Variants in ZPBP observed in about 807,000 individuals in gnomAD.
ZPBP encodes zona pellucida-binding protein 1.
ZPBP carries 26 observed loss-of-function variants against 44.8 expected under a neutral mutation model. That is an observed-to-expected ratio of 0.58 (90% confidence interval 0.43 to 0.81). The LOEUF is 0.81. Ranked by LOEUF, ZPBP falls within the 30% of genes least tolerant of loss-of-function variation. The probability of loss-of-function intolerance (pLI) is 0.00; values close to 1 mark genes in which losing one functional copy is unlikely to be tolerated. For synonymous variants in ZPBP, 174 were observed against 153.2 expected, an observed-to-expected ratio of 1.14 and a Z score of -1.00; for missense variants, 409 against 434.0, an observed-to-expected ratio of 0.94 and a Z score of 0.51.
At chr7:49,913,911 T>C (rs1019265056) in intron 1 of ZPBP, 1 of 152,162 alleles carries the variant, frequency 6.6e-6, no homozygotes, top group Non-Finnish European at 1.5e-5. Context: ...ACACTACATA[T>C]AGTCATTTAA....
intron 3 of ZPBP, among the ~76,000 whole-genome samples, chr7:50,066,618 T>G (rs143966366): frequency 3.0e-3 from 454 of 152,338 alleles, no homozygotes; most frequent in African/African-American, 0.01. Context: ...TTGCAGCATT[T>G]GCAGTAATAA....
chr7:50,013,493 A>G (rs1380940245), intron 6 of ZPBP, among the ~76,000 whole-genome samples: 1 of 152,050 alleles, frequency 6.6e-6, no homozygotes, highest in African/African-American at 2.4e-5. Flanking sequence ...TATATTTATT[A>G]TTATACTATT....
chr7:49,943,917 G>A, intron 7 of ZPBP: 6 of 313,994 alleles, frequency 1.9e-5, no homozygotes, highest in South Asian at 1.6e-4. Flanking sequence ...TCTAGAAACT[G>A]GTCTAGCTCT....
At chr7:49,982,089 A>C (rs1583975044) in intron 7 of ZPBP, among the ~76,000 whole-genome samples, 2 of 24,296 alleles carry the variant, frequency 8.2e-5, no homozygotes, top group South Asian at 2.5e-3. Flanking sequence ...TAATTATATG[A>C]ATTATATAAT....
downstream of ZPBP, chr7:49,937,393 C>T (rs930874316): frequency 5.0e-5 from 34 of 684,560 alleles, no homozygotes; most frequent in East Asian, 8.4e-4. Context: ...AACATTTGGA[C>T]ATACAGTATT....
At chr7:49,874,921 A>G (rs1791332612) in intron 2 of ZPBP, among the ~76,000 whole-genome samples, 1 of 152,172 alleles carries the variant, frequency 6.6e-6, no homozygotes. Flanking sequence ...AGATTCTTGG[A>G]ATTGTAATTA....
chr7:49,997,266 T>G (rs1372616618), intron 6 of ZPBP, among the ~76,000 whole-genome samples: 1 of 152,196 alleles, frequency 6.6e-6, no homozygotes, highest in East Asian at 1.9e-4. Context: ...TGACCCATGT[T>G]TCAGCGAATC....
intron 7 of ZPBP, among the ~76,000 whole-genome samples, chr7:49,949,156 T>C (rs771303947): frequency 6.6e-6 from 1 of 152,242 alleles, no homozygotes; most frequent in South Asian, 2.1e-4. Flanking sequence ...AAGGTGGCTG[T>C]CTGAAATCAA....
intron 6 of ZPBP, among the ~76,000 whole-genome samples, chr7:49,985,924 G>C (rs1383608026): frequency 1.3e-5 from 2 of 152,180 alleles, no homozygotes; most frequent in African/African-American, 4.8e-5. Context: ...TGGTGTGTGT[G>C]GTGACCTGGT....
chr7:49,998,344 T>C (rs945803944), intron 6 of ZPBP, among the ~76,000 whole-genome samples: 2 of 152,184 alleles, frequency 1.3e-5, no homozygotes. Flanking sequence ...GATAAGACTC[T>C]CCGCTTCAGG....
At chr7:49,966,943 G>A (rs938632047) in intron 7 of ZPBP, among the ~76,000 whole-genome samples, 7 of 152,156 alleles carry the variant, frequency 4.6e-5, no homozygotes, top group East Asian at 1.9e-4. Context: ...TTAGACAAAC[G>A]GGGACAGAGG....
chr7:49,873,654 T>C (rs1007394162), intron 2 of ZPBP, among the ~76,000 whole-genome samples: 6 of 152,204 alleles, frequency 3.9e-5, no homozygotes. Context: ...AGCCAGGCAT[T>C]ATGCAGTAAT....
intron 6 of ZPBP, among the ~76,000 whole-genome samples, chr7:49,993,129 C>T (rs375459751): frequency 1.3e-5 from 2 of 151,684 alleles, no homozygotes; most frequent in Non-Finnish European, 2.9e-5. Flanking sequence ...TTAAAGTGTA[C>T]AACATCAAAC....
intron 3 of ZPBP, among the ~76,000 whole-genome samples, chr7:50,066,980 G>A (rs188773969): frequency 7.9e-5 from 12 of 152,316 alleles, no homozygotes; most frequent in African/African-American, 2.9e-4. Context: ...TGTGACACCT[G>A]CAACTTTAAC....
chr7:49,843,135 T>A, the ZPBP span, among the ~76,000 whole-genome samples: 1 of 152,178 alleles, frequency 6.6e-6, no homozygotes, highest in South Asian at 2.1e-4. Flanking sequence ...TACCCAATGT[T>A]TAGCTCCCAC....
chr7:49,995,719 A>C (rs577513369), intron 6 of ZPBP, among the ~76,000 whole-genome samples: 1 of 152,338 alleles, frequency 6.6e-6, no homozygotes, highest in African/African-American at 2.4e-5. Flanking sequence ...TGTGATTTTC[A>C]ACAACATCAA....
intron 7 of ZPBP, chr7:49,943,020 G>T (rs1160225732): frequency 1.1e-5 from 3 of 273,340 alleles, no homozygotes; most frequent in Non-Finnish European, 2.1e-5. Context: ...GAGGGTGAAA[G>T]CTGGGGGGCC....
chr7:49,880,201 C>A (rs1337929319), intron 2 of ZPBP, among the ~76,000 whole-genome samples: 1 of 152,106 alleles, frequency 6.6e-6, no homozygotes, highest in Non-Finnish European at 1.5e-5. Flanking sequence ...TTTTTTACTT[C>A]TTCATATGAT....
chr7:49,848,487 C>T (rs1790048737), downstream of ZPBP, among the ~76,000 whole-genome samples: 3 of 152,204 alleles, frequency 2.0e-5, no homozygotes, highest in South Asian at 6.2e-4. Context: ...CGGCTGTGGG[C>T]CATAGGAACT....
Sources: gnomAD v4.1 joint callset for allele counts (sites outside exome capture counted in the v4.1 genomes callset) on GRCh38, gnomAD v4.1.1 for gene constraint, MANE v1.5 for transcripts, NCBI Gene and HGNC (gene_info 2026-07-23, HGNC 2026-07-21) for gene names.